Variants in CAV3 observed in about 807,000 individuals in gnomAD.
CAV3 encodes caveolin-3.
A neutral mutation model predicts 13.4 loss-of-function variants in CAV3; 10 were observed. That is an observed-to-expected ratio of 0.75 (90% CI 0.46 to 1.27). The LOEUF (loss-of-function observed/expected upper bound fraction) is 1.27, where lower values mean the gene tolerates loss of function less well. Ranked by LOEUF, CAV3 falls within the 50% of genes most tolerant of loss-of-function variation. CAV3 has a pLI of 0.00. For synonymous variants in CAV3, 90 were observed against 79.0 expected (o/e 1.14, Z -0.74); for missense variants, 162 against 194.0 (o/e 0.83, Z 0.98).
At chr3:8,743,356 C>CTTT (rs2124985724) in intron 1 of CAV3, among the ~76,000 whole-genome samples, 1 of 152,210 alleles carries the variant, frequency 6.6e-6, no homozygotes, top group African/African-American at 2.4e-5. Context: ...GTGAATATGA[C>CTTT]TTTTCCATCC....
At chr3:8,738,279 T>C (rs1707831678) in intron 1 of CAV3, among the ~76,000 whole-genome samples, 1 of 152,120 alleles carries the variant, frequency 6.6e-6, no homozygotes, top group Non-Finnish European at 1.5e-5. Flanking sequence ...TCCACCCACA[T>C]CTGCCACAGA....
intron 1 of CAV3, among the ~76,000 whole-genome samples, chr3:8,735,966 T>A (rs1707738016): frequency 6.6e-6 from 1 of 152,212 alleles, no homozygotes; most frequent in Non-Finnish European, 1.5e-5. Context: ...ATATTATATT[T>A]CTATACATCG....
At chr3:8,737,498 C>G (rs933566666) in intron 1 of CAV3, among the ~76,000 whole-genome samples, 1 of 152,148 alleles carries the variant, frequency 6.6e-6, no homozygotes, top group Non-Finnish European at 1.5e-5. Context: ...GCCTTTAAAC[C>G]CAGGCAGCCA....
At chr3:8,742,775 G>T (rs1292047794) in intron 1 of CAV3, among the ~76,000 whole-genome samples, 2 of 152,228 alleles carry the variant, frequency 1.3e-5, no homozygotes, top group Non-Finnish European at 2.9e-5. Flanking sequence ...TGGATAGATG[G>T]ATGATAGATG....
intron 1 of CAV3, among the ~76,000 whole-genome samples, chr3:8,744,662 C>T (rs950436363): frequency 6.6e-6 from 1 of 152,006 alleles, no homozygotes; most frequent in Admixed American, 6.6e-5. Context: ...TAGCAGGGCT[C>T]GAGAGAGCTT....
intron 1 of CAV3, among the ~76,000 whole-genome samples, chr3:8,740,166 C>T (rs1707908583): frequency 6.6e-6 from 1 of 152,206 alleles, no homozygotes; most frequent in South Asian, 2.1e-4. Flanking sequence ...AACATGGGGG[C>T]TCAGTGCTCC....
rs6788694 is a variant in CAV3, at chr3:8,745,211, G to T, written c.115-315G>T. On this transcript the variant is annotated intron_variant, in intron 1 of 1. Transcript: ENST00000343849. The surrounding 1 kb of genome is among the most constrained non-coding windows in gnomAD (Gnocchi z 4.8). ...CTCTCTCTTGCTCCCACTCTCACCA[G>T]GGGAGACGCCTGCTCTCCCTTCTCT... Among the ~76,000 whole-genome samples the T allele has an allele frequency of 0.1, 15,644 of 151,944 alleles. 895 individuals are homozygous for T. Among genetic ancestry groups the T allele is most frequent in the Non-Finnish European group, 0.14 (9,227 of 67,946 alleles).
At position 8,745,668 on chromosome 3, in the gene CAV3, T is replaced by A. The variant is rs116840801; in HGVS notation, c.257T>A (p.Leu86Gln). ...LSTLLGVPLA[L>Q]LWGFLFACIS... The stretch of plus-strand genomic sequence containing the variant: ...ACGCTGCTGGGCGTCCCACTGGCCC[T>A]GCTCTGGGGCTTCCTGTTCGCCTGC... The change falls in exon 2 of 2, where the codon CTG becomes CAG. Residue 86 changes from leucine to glutamine, a missense_variant. Physicochemically the swap from Leu to Gln is moderately radical, Grantham distance 113 (BLOSUM62 -2). Coordinates refer to ENST00000343849, the MANE Select transcript of CAV3 (RefSeq NM_033337.3). This position sits in a 1 kb window ranked among gnomAD's most constrained non-coding sequence, Gnocchi z 4.8. 6.2e-7 allele frequency: 1 copy of A among 1,614,194 alleles called. No homozygotes were observed. Among genetic ancestry groups the A allele is most frequent in the Admixed American group, 1.7e-5 (1 of 60,026 alleles).
At chr3:8,740,756 C>T (rs1268913490) in intron 1 of CAV3, among the ~76,000 whole-genome samples, 2 of 152,186 alleles carry the variant, frequency 1.3e-5, no homozygotes, top group African/African-American at 4.8e-5. Context: ...ACTCCTAGAG[C>T]ACCCTCCTGA....
intron 1 of CAV3, among the ~76,000 whole-genome samples, chr3:8,741,217 T>C (rs956159437): frequency 6.6e-6 from 1 of 152,178 alleles, no homozygotes; most frequent in African/African-American, 2.4e-5. Flanking sequence ...AGCTATACTT[T>C]TGCAAAACGC....
chr3:8,745,417 C>A lies in CAV3; in HGVS notation c.115-109C>A. ...CCTAATACAGGTAGGGTCCAGCCAC[C>A]AAGGTTAACCTGACCTCTAGGGGAT... On this transcript the variant is annotated intron_variant, in intron 1 of 1. Coordinates refer to ENST00000343849, the MANE Select transcript of CAV3 (RefSeq NM_033337.3). This position sits in a 1 kb window ranked among gnomAD's most constrained non-coding sequence, Gnocchi z 4.8. 1.2e-6 allele frequency: 1 copy of A among 818,504 alleles called. No homozygotes were observed. Among genetic ancestry groups the A allele is most frequent in the Non-Finnish European group, 2.1e-6 (1 of 479,790 alleles). The allele number at this position is 818,504 out of a possible 1,614,324, so 50.7% of individuals were successfully genotyped here. A position where few individuals can be genotyped will look rare whatever the true frequency, so the allele number is the denominator to read the frequency against.
chr3:8,745,742 C>T lies in CAV3; in HGVS notation c.331C>T (p.Leu111=), dbSNP rs1708140552. Reference sequence around the variant, plus strand: ...GGTGGTGCCATGCATTAAGAGCTACCTGATCGAGATCCAGTGCATCAGCCA... The same window carrying T: ...GGTGGTGCCATGCATTAAGAGCTACTTGATCGAGATCCAGTGCATCAGCCA... The part of the protein sequence containing the change: ...WAVVPCIKSY[L]IEIQCISHIY... Residue 111 remains leucine, a synonymous_variant, in exon 2 of 2, where the codon CTG becomes TTG. Transcript: ENST00000343849. The surrounding 1 kb of genome is among the most constrained non-coding windows in gnomAD (Gnocchi z 4.8). 1 of 1,614,052 alleles carries T rather than the reference C, an allele frequency of 6.2e-7. No homozygotes were observed. Among genetic ancestry groups the T allele is most frequent in the African/African-American group, 1.3e-5 (1 of 74,930 alleles).
chr3:8,746,068 A>T lies in CAV3; in HGVS notation c.*201A>T. 1 of 570,410 alleles carries T rather than the reference A, an allele frequency of 1.8e-6. No individual in the cohort carries two copies. The allele number at this position is 570,410 out of a possible 1,614,324, so 35.3% of individuals were successfully genotyped here. ...GCACAATGGCCCTTCGCTCTCCCCCAGCCCCACCATGATGCCCCCATGCCT... is the reference window on the plus strand; with the variant it reads ...GCACAATGGCCCTTCGCTCTCCCCCTGCCCCACCATGATGCCCCCATGCCT... On this transcript the variant is annotated 3_prime_UTR_variant, in exon 2 of 2. Transcript: ENST00000343849.
chr3:8,737,356 G>A (rs1223637068), intron 1 of CAV3, among the ~76,000 whole-genome samples: 1 of 152,106 alleles, frequency 6.6e-6, no homozygotes, highest in Admixed American at 6.5e-5. Context: ...GCCCTCTCTG[G>A]TCCCAAGTCC....
chr3:8,738,265 C>A (rs1034280257), intron 1 of CAV3, among the ~76,000 whole-genome samples: 3 of 152,200 alleles, frequency 2.0e-5, no homozygotes, highest in African/African-American at 7.2e-5. Context: ...ACTCCCCAAC[C>A]CCCTCCACCC....
At chr3:8,738,169 G>A (rs1465795361) in intron 1 of CAV3, among the ~76,000 whole-genome samples, 1 of 152,182 alleles carries the variant, frequency 6.6e-6, no homozygotes, top group East Asian at 1.9e-4. Flanking sequence ...AGCTTCTGCA[G>A]TCAACTCCTC....
chr3:8,740,757 A>T (rs1315136544), intron 1 of CAV3, among the ~76,000 whole-genome samples: 1 of 152,090 alleles, frequency 6.6e-6, no homozygotes, highest in Non-Finnish European at 1.5e-5. Context: ...CTCCTAGAGC[A>T]CCCTCCTGAA....
At position 8,745,862 on chromosome 3, in the gene CAV3, G is replaced by A. The variant is rs780870487; in HGVS notation, c.451G>A (p.Val151Ile). 1.7e-5 allele frequency: 27 copies of A among 1,609,740 alleles called. No individual in the cohort carries two copies. The Admixed American group carries it at 4.3e-4, about 26-fold the overall frequency. The change falls in exon 2 of 2, where the codon GTC becomes ATC. Residue 151 changes from valine to isoleucine, a missense_variant. Val to Ile is a conservative substitution (Grantham distance 29, BLOSUM62 3). Coordinates refer to ENST00000343849, the MANE Select transcript of CAV3 (RefSeq NM_033337.3). The surrounding 1 kb of genome is among the most constrained non-coding windows in gnomAD (Gnocchi z 4.8). ...CATCAAGGTGGTGCTGCGGAAGGAG[G>A]TCTAAAGCCAGGTGGGGCAACAGCG... ...SSIKVVLRKE[V>I]
At chr3:8,734,072 T>C (rs1468368947) in intron 1 of CAV3, 82 bp downstream of exon 1, 3 of 775,102 alleles carry the variant, frequency 3.9e-6, no homozygotes, top group African/African-American at 3.4e-5. Context: ...GGGTATCTGC[T>C]GCAGACACAG....
Sources: allele counts gnomAD v4.1 joint callset (sites outside exome capture counted in the v4.1 genomes callset), GRCh38; gene constraint gnomAD v4.1.1; non-coding constraint Gnocchi (gnomAD v3.1); transcripts MANE v1.5; gene names NCBI Gene and HGNC (gene_info 2026-07-23, HGNC 2026-07-21).